The following PLB1 variants were observed in gnomAD, a reference collection of about 807,000 sequenced individuals.
PLB1 encodes phospholipase B1.
In PLB1, 242 loss-of-function variants were observed where a neutral mutation model predicts 227.4. That is an observed-to-expected ratio of 1.06 (90% CI 0.96 to 1.18). PLB1 has a LOEUF of 1.18. Ranked by LOEUF, PLB1 falls within the 50% of genes most tolerant of loss-of-function variation. PLB1 has a pLI of 0.00. For synonymous variants in PLB1, 757 were observed against 682.2 expected, an observed-to-expected ratio of 1.11 and a Z score of -1.71; for missense variants, 1,858 against 1,816.3, an observed-to-expected ratio of 1.02 and a Z score of -0.42.
chr2:28,548,702 G>T lies in PLB1; in HGVS notation c.937-158G>T, dbSNP rs1673695968. 5 of 707,992 alleles carry T rather than the reference G, an allele frequency of 7.1e-6. No homozygotes were observed. In the South Asian group the frequency reaches 8.3e-5, roughly 12 times the overall value. 43.9% of individuals were successfully genotyped at this position (707,992 alleles called of 1,614,324 possible). On this transcript the variant is annotated intron_variant, in intron 14 of 57. Transcript: ENST00000327757. ...CACAGACTGCTGCCCCAGCCCCAGA[G>T]TCTCAGACTCAGTAGTTTGGGGATG...
chr2:28,543,280 G>A lies in PLB1; in HGVS notation c.936+12G>A, dbSNP rs763059011. The A allele has an allele frequency of 7.5e-6, 12 of 1,610,240 alleles. No homozygotes were observed. Among genetic ancestry groups the A allele is most frequent in the African/African-American group, 4.0e-5 (3 of 74,876 alleles). ...TCTGGAATAGGATGGTGAGTAGATGGGGCCTGGGGTGGGGCCCACAGAGGA... is the reference window on the plus strand; with the variant it reads ...TCTGGAATAGGATGGTGAGTAGATGAGGCCTGGGGTGGGGCCCACAGAGGA... On this transcript the variant is annotated intron_variant, in intron 14 of 57. Coordinates refer to ENST00000327757, the MANE Select transcript of PLB1 (RefSeq NM_153021.5).
intron 10 of PLB1, among the ~76,000 whole-genome samples, chr2:28,538,751 G>T (rs2148204332): frequency 6.6e-6 from 1 of 152,228 alleles, no homozygotes; most frequent in African/African-American, 2.4e-5. Context: ...AATCAGCTGG[G>T]GGTTGCTGTG....
intron 1 of PLB1, among the ~76,000 whole-genome samples, chr2:28,513,375 G>A (rs764937249): frequency 6.6e-5 from 10 of 152,210 alleles, no homozygotes; most frequent in Non-Finnish European, 1.3e-4. Flanking sequence ...CTACTCCAAA[G>A]GTCTGTTTTA....
intron 14 of PLB1, among the ~76,000 whole-genome samples, chr2:28,545,767 G>A (rs771893836): frequency 6.6e-6 from 1 of 152,158 alleles, no homozygotes; most frequent in African/African-American, 2.4e-5. Context: ...GGACATCGAG[G>A]TGGAAGGCAG....
intron 1 of PLB1, among the ~76,000 whole-genome samples, chr2:28,514,715 C>T (rs1473934794): frequency 6.6e-6 from 1 of 152,186 alleles, no homozygotes; most frequent in Admixed American, 6.5e-5. Flanking sequence ...TGGTCTAGAC[C>T]TTGGGCATGT....
intron 4 of PLB1, among the ~76,000 whole-genome samples, chr2:28,523,488 C>T (rs1392278648): frequency 6.6e-6 from 1 of 151,998 alleles, no homozygotes; most frequent in Admixed American, 6.5e-5. Context: ...CCATAAGGCA[C>T]ACATTCAGCA....
chr2:28,565,260 C>G lies in PLB1; in HGVS notation c.1207-20C>G. On this transcript the variant is annotated intron_variant, in intron 18 of 57. Coordinates refer to ENST00000327757, the MANE Select transcript of PLB1 (RefSeq NM_153021.5). ...ACTGGGGAAAGCAGAGAAACTCACC[C>G]CCTCATTGTTCCCTCTCAGGCAGGC... 1 of 1,604,344 alleles carries G rather than the reference C, an allele frequency of 6.2e-7. No individual in the cohort carries two copies. Among genetic ancestry groups the G allele is most frequent in the Non-Finnish European group, 8.5e-7 (1 of 1,174,750 alleles).
At chr2:28,586,420 T>C (rs1680915649) in intron 26 of PLB1, among the ~76,000 whole-genome samples, 1 of 152,208 alleles carries the variant, frequency 6.6e-6, no homozygotes, top group African/African-American at 2.4e-5. Flanking sequence ...CTCTACCACA[T>C]CTTTGACCAG....
chr2:28,634,892 T>C (rs567378715), intron 56 of PLB1, among the ~76,000 whole-genome samples: 2 of 151,622 alleles, frequency 1.3e-5, no homozygotes, highest in South Asian at 4.2e-4. Flanking sequence ...GCCTGGGCAA[T>C]AGAGTGAGAC....
chr2:28,560,150 G>A (rs1675827430), intron 17 of PLB1, among the ~76,000 whole-genome samples: 1 of 152,140 alleles, frequency 6.6e-6, no homozygotes, highest in Non-Finnish European at 1.5e-5. Flanking sequence ...GTACCAGGGT[G>A]GGCCACTCCT....
At chr2:28,591,919 A>G (rs1682024160) in intron 31 of PLB1, among the ~76,000 whole-genome samples, 159 bp downstream of exon 31, 1 of 152,122 alleles carries the variant, frequency 6.6e-6, no homozygotes, top group African/African-American at 2.4e-5. Flanking sequence ...CCTGTTTCGC[A>G]CCACTCTGGC....
intron 1 of PLB1, among the ~76,000 whole-genome samples, chr2:28,506,573 T>G (rs1667660570): frequency 6.6e-6 from 1 of 152,190 alleles, no homozygotes; most frequent in South Asian, 2.1e-4. Context: ...AATCCAAATC[T>G]TTTATTTTAC....
intron 22 of PLB1, among the ~76,000 whole-genome samples, chr2:28,578,425 G>C (rs112152661): frequency 2.0e-5 from 3 of 152,252 alleles, no homozygotes; most frequent in East Asian, 3.9e-4. Context: ...GCTTGGAAGC[G>C]GAGACCAATG....
intron 40 of PLB1, 145 bp downstream of exon 40, chr2:28,604,192 CTGTCTCACGTGACTGTGG>C: frequency 1.4e-6 from 1 of 728,966 alleles, no homozygotes; most frequent in Non-Finnish European, 2.3e-6. Flanking sequence ...GTGCCTTCCT[CTGTCTCACGTGACTGTGG>C]TGTCTCAGGT....
intron 35 of PLB1, 146 bp from the exon 36 acceptor site, chr2:28,600,663 A>G (rs923559810): frequency 1.4e-6 from 1 of 707,848 alleles, no homozygotes; most frequent in Non-Finnish European, 2.5e-6. Context: ...CAGAAGAGGC[A>G]AGTCACTCCT....
In PLB1 at chr2:28,592,663, C is replaced by T; in HGVS notation, c.2191C>T (p.His731Tyr). ...AGTGTGTCCACTTGTCTTTCCAGTG[C>T]ATGCCCTGAGACCTGCAGACATCCA... is the stretch of plus-strand genomic sequence containing the variant. ...APSALHPTSVHALRPADIQVV... is the reference protein window; with the variant it reads ...APSALHPTSVYALRPADIQVV... The change falls in exon 32 of 58, where the codon CAT becomes TAT. Residue 731 changes from histidine to tyrosine, a missense_variant and splice_region_variant. By Grantham distance (83) the His-to-Tyr change is moderately conservative. Transcript: ENST00000327757. The T allele has an allele frequency of 1.2e-6, 2 of 1,614,196 alleles. No individual in the cohort carries two copies. The highest frequency in any genetic ancestry group is 1.7e-6 in the Non-Finnish European group (2 of 1,180,016).
At chr2:28,529,802 C>T (rs754028003) in intron 8 of PLB1, 23 bp downstream of exon 8, 165 of 1,612,554 alleles carry the variant, frequency 1.0e-4, no homozygotes, top group Non-Finnish European at 6.2e-5. Flanking sequence ...CCAACTCTGG[C>T]ATGGCTGGGC....
At chr2:28,496,863 T>C (rs528843201) in intron 1 of PLB1, among the ~76,000 whole-genome samples, 9 of 152,356 alleles carry the variant, frequency 5.9e-5, no homozygotes, top group African/African-American at 2.2e-4. Context: ...ATCTTTCATC[T>C]TCTCCAGATG....
At chr2:28,546,960 G>T (rs1347289786) in intron 14 of PLB1, among the ~76,000 whole-genome samples, 2 of 152,114 alleles carry the variant, frequency 1.3e-5, no homozygotes, top group African/African-American at 2.4e-5. Context: ...AGCACTTTGG[G>T]AGTCCGAGGC....
Sources: gnomAD v4.1 joint callset for allele counts (sites outside exome capture counted in the v4.1 genomes callset) on GRCh38, gnomAD v4.1.1 for gene constraint, MANE v1.5 for transcripts, NCBI Gene and HGNC (gene_info 2026-07-23, HGNC 2026-07-21) for gene names.